The following LCP2 variants were observed in gnomAD, a reference collection of about 807,000 sequenced individuals.
LCP2 encodes lymphocyte cytosolic protein 2, also known as 76 kDa tyrosine phosphoprotein.
A neutral mutation model predicts 74.5 loss-of-function variants in LCP2; 29 were observed. The observed-to-expected ratio is 0.39, with a 90% CI of 0.29 to 0.53. The LOEUF is 0.53. Among genes scored for constraint, LCP2 ranks in the 20% least tolerant of loss-of-function variants. The pLI is 0.72. For synonymous variants in LCP2, 228 were observed against 229.5 expected (o/e 0.99, Z 0.06); for missense variants, 604 against 634.6 (o/e 0.95, Z 0.52).
rs149576644 is a variant in LCP2, at chr5:170,256,295, T to C, written c.1150+231A>G. On this transcript the variant is annotated intron_variant, in intron 17 of 20. Coordinates refer to ENST00000046794, the MANE Select transcript of LCP2 (RefSeq NM_005565.5). This position sits in a 1 kb window ranked among gnomAD's most constrained non-coding sequence, Gnocchi z 4.5. ...GTGTGTGCATGTATATGTGCATGTG[T>C]GTATGGGCATGTATATGTATACGTG... Among the ~76,000 whole-genome samples, 941 of 152,332 alleles carry C rather than the reference T, an allele frequency of 6.2e-3. 48 individuals carry two copies. Among genetic ancestry groups the C allele is most frequent in the Admixed American group, 0.05 (767 of 15,304 alleles).
chr5:170,289,609 TTC>T (rs1436282076), intron 2 of LCP2, among the ~76,000 whole-genome samples: 4 of 144,964 alleles, frequency 2.8e-5, no homozygotes, highest in Admixed American at 6.7e-5. Flanking sequence ...CTTTCTTTCT[TTC>T]TTTCTTTTTC....
At chr5:170,277,097 A>G (rs1037365551) in intron 3 of LCP2, among the ~76,000 whole-genome samples, 92 of 136,858 alleles carry the variant, frequency 6.7e-4, no homozygotes, top group African/African-American at 2.4e-3. Context: ...AAAAAAAAAA[A>G]GGGAGTAGCT....
At chr5:170,282,386 C>G (rs900181022) in intron 3 of LCP2, among the ~76,000 whole-genome samples, 1 of 152,194 alleles carries the variant, frequency 6.6e-6, no homozygotes, top group Non-Finnish European at 1.5e-5. Flanking sequence ...CAGGCAATTT[C>G]TGTGTGCTGC....
chr5:170,279,802 C>T (rs530086428), intron 3 of LCP2, among the ~76,000 whole-genome samples: 63 of 152,230 alleles, frequency 4.1e-4, no homozygotes, highest in African/African-American at 1.3e-3. Flanking sequence ...TGGGGGTATG[C>T]GGGGCCTTAG....
In LCP2 at chr5:170,250,904, G is replaced by A. The variant is rs1490137776; in HGVS notation, c.1324-19C>T. 3.1e-6 allele frequency: 5 copies of A among 1,608,462 alleles called. No homozygotes were observed. The South Asian group carries it at 3.3e-5, about 11-fold the overall frequency. ...TGCCATCCTAAAAAGACAAATTCCT[G>A]TTATTATGGGAGCAGTAAAAGTCAA... On this transcript the variant is annotated intron_variant, in intron 19 of 20. Transcript: ENST00000046794.
intron 3 of LCP2, 98 bp downstream of exon 3, chr5:170,287,872 A>G: frequency 9.0e-7 from 1 of 1,116,636 alleles, no homozygotes; most frequent in South Asian, 1.3e-5. Context: ...TCTTATTTCA[A>G]GCCGACAATG....
Position 170,259,827 on chromosome 5 carries a change from C to T in LCP2, c.958-949G>A, listed in dbSNP as rs113637783. Among the ~76,000 whole-genome samples, 764 of 152,298 alleles carry T rather than the reference C, an allele frequency of 5.0e-3. 4 individuals are homozygous for T. The highest frequency in any genetic ancestry group is 0.017 in the African/African-American group (696 of 41,556). Reference sequence around the variant, plus strand: ...AAATAAACACACATGGGCTCATAAACCCCACACAACAAAATCACTTTTCAA... The same window carrying T: ...AAATAAACACACATGGGCTCATAAATCCCACACAACAAAATCACTTTTCAA... On this transcript the variant is annotated intron_variant, in intron 14 of 20. Transcript: ENST00000046794.
chr5:170,250,647 G>C lies in LCP2; in HGVS notation c.1479+83C>G, dbSNP rs758987994. 3.2e-4 allele frequency: 339 copies of C among 1,073,486 alleles called. 4 individuals carry two copies. In the Middle Eastern group the frequency reaches 7.8e-3, roughly 25 times the overall value. The allele number at this position is 1,073,486 out of a possible 1,614,324, so 66.5% of individuals were successfully genotyped here. A position where few individuals can be genotyped will look rare whatever the true frequency, so the allele number is the denominator to read the frequency against. ...AATCCTAAATTTGCCATACAGCACG[G>C]ACTCTCAAAGATCGCTCCATGAAGG... On this transcript the variant is annotated intron_variant, in intron 20 of 20. Coordinates refer to ENST00000046794, the MANE Select transcript of LCP2 (RefSeq NM_005565.5).
rs952819419 is a variant in LCP2, at chr5:170,258,356, A to G, written c.971-190T>C. On this transcript the variant is annotated intron_variant, in intron 15 of 20. Transcript: ENST00000046794. Reference sequence around the variant, plus strand: ...GGTGTTTCTAGATGACTTAACCACCATAGAATCCATTTACAAAGGGGCGCA... The same window carrying G: ...GGTGTTTCTAGATGACTTAACCACCGTAGAATCCATTTACAAAGGGGCGCA... 7 of 539,174 alleles carry G rather than the reference A, an allele frequency of 1.3e-5. No individual in the cohort carries two copies. The South Asian group carries it at 1.8e-4, about 14-fold the overall frequency. The allele number at this position is 539,174 out of a possible 1,614,324, so 33.4% of individuals were successfully genotyped here. A position where few individuals can be genotyped will look rare whatever the true frequency, so the allele number is the denominator to read the frequency against.
intron 6 of LCP2, among the ~76,000 whole-genome samples, chr5:170,273,585 C>A (rs55855613): frequency 0.052 from 7,850 of 152,196 alleles, 662 homozygotes; most frequent in African/African-American, 0.18. Flanking sequence ...GTTCTACGCA[C>A]GTCACGTTCT....
intron 1 of LCP2, among the ~76,000 whole-genome samples, chr5:170,295,236 G>A (rs1171890385): frequency 6.6e-6 from 1 of 152,202 alleles, no homozygotes; most frequent in East Asian, 1.9e-4. Flanking sequence ...GTCCTCAGGA[G>A]CTTATATTCC....
chr5:170,264,121 A>G (rs770412326), intron 10 of LCP2, among the ~76,000 whole-genome samples: 12 of 152,208 alleles, frequency 7.9e-5, no homozygotes, highest in Non-Finnish European at 1.2e-4. Flanking sequence ...ATTGCTCACC[A>G]ATCAAAACTT....
At chr5:170,287,059 A>G (rs1397803092) in intron 3 of LCP2, among the ~76,000 whole-genome samples, 1 of 152,218 alleles carries the variant, frequency 6.6e-6, no homozygotes, top group Admixed American at 6.5e-5. Flanking sequence ...AAGATAGGAC[A>G]TTGTTGGGTC....
At chr5:170,253,751 C>T (rs1415949328) in intron 17 of LCP2, among the ~76,000 whole-genome samples, 1 of 152,192 alleles carries the variant, frequency 6.6e-6, no homozygotes, top group Non-Finnish European at 1.5e-5. Context: ...AAGTTGGCTA[C>T]CCGCTGTTCT....
chr5:170,283,922 C>G (rs995902086), intron 3 of LCP2, among the ~76,000 whole-genome samples: 1 of 152,180 alleles, frequency 6.6e-6, no homozygotes, highest in Non-Finnish European at 1.5e-5. Context: ...TGCCTTCCTA[C>G]GAGCGCTTGA....
chr5:170,272,083 G>T (rs1264851225), intron 6 of LCP2, among the ~76,000 whole-genome samples: 3 of 152,108 alleles, frequency 2.0e-5, no homozygotes, highest in Admixed American at 6.5e-5. Flanking sequence ...TGCTGCTTCA[G>T]ATCAAGAGCC....
At chr5:170,258,353 A>T in intron 15 of LCP2, 187 bp from the exon 16 acceptor site, 2 of 550,644 alleles carry the variant, frequency 3.6e-6, no homozygotes, top group South Asian at 5.7e-5. Flanking sequence ...TGACTTAACC[A>T]CCATAGAATC....
intron 3 of LCP2, among the ~76,000 whole-genome samples, chr5:170,278,080 G>A (rs1312558220): frequency 6.6e-6 from 1 of 150,488 alleles, no homozygotes; most frequent in Non-Finnish European, 1.5e-5. Context: ...CTACAGAGCT[G>A]GCAAGGGAGC....
chr5:170,249,430 A>T lies in LCP2; in HGVS notation c.1480-611T>A, dbSNP rs990645706. On this transcript the variant is annotated intron_variant, in intron 20 of 20. Coordinates refer to ENST00000046794, the MANE Select transcript of LCP2 (RefSeq NM_005565.5). Reference sequence around the variant, plus strand: ...TGTAATTTGAAATGCATATATTTTTAACTTCATATGAAGGGGTCATTTAAA... The same window carrying T: ...TGTAATTTGAAATGCATATATTTTTTACTTCATATGAAGGGGTCATTTAAA... Among the ~76,000 whole-genome samples, 29 of 151,470 alleles carry T rather than the reference A, an allele frequency of 1.9e-4. 1 individual carries two copies. The highest frequency in any genetic ancestry group is 2.1e-4 in the Non-Finnish European group (14 of 67,904).
Sources: gnomAD v4.1 joint callset for allele counts (sites outside exome capture counted in the v4.1 genomes callset) on GRCh38, gnomAD v4.1.1 for gene constraint, Gnocchi (gnomAD v3.1) non-coding constraint, MANE v1.5 for transcripts, NCBI Gene and HGNC (gene_info 2026-07-23, HGNC 2026-07-21) for gene names.